Variants in IRAK1BP1 observed in about 807,000 individuals in gnomAD.
The protein encoded by IRAK1BP1 is interleukin-1 receptor-associated kinase 1-binding protein 1.
IRAK1BP1 carries 24 observed loss-of-function variants against 28.0 expected under a neutral mutation model. The ratio of observed to expected loss-of-function variants is 0.86; its 90% CI spans 0.62 to 1.20. IRAK1BP1 has a LOEUF of 1.20. Ranked by LOEUF, IRAK1BP1 falls within the 50% of genes most tolerant of loss-of-function variation. The pLI is 0.00. For synonymous variants in IRAK1BP1, 131 were observed against 116.3 expected, an observed-to-expected ratio of 1.13 and a Z score of -0.81; for missense variants, 336 against 316.7, an observed-to-expected ratio of 1.06 and a Z score of -0.46.
intron 4 of IRAK1BP1, among the ~76,000 whole-genome samples, chr6:78,912,535 C>T (rs987672964): frequency 2.6e-5 from 4 of 152,062 alleles, no homozygotes; most frequent in African/African-American, 9.7e-5. Flanking sequence ...TGTATACACA[C>T]ATACACACCA....
chr6:78,963,497 C>CT, the IRAK1BP1 span, among the ~76,000 whole-genome samples: 3 of 152,090 alleles, frequency 2.0e-5, no homozygotes, highest in Non-Finnish European at 4.4e-5. Context: ...AAAATCTGCT[C>CT]TGTAATCAAG....
chr6:78,934,613 A>G (rs1335155886), intron 4 of IRAK1BP1, among the ~76,000 whole-genome samples: 6 of 152,354 alleles, frequency 3.9e-5, no homozygotes, highest in Non-Finnish European at 5.9e-5. Context: ...TAAATGATGT[A>G]TTCTATTTAG....
intron 2 of IRAK1BP1, among the ~76,000 whole-genome samples, chr6:78,888,781 T>C (rs1489541641): frequency 6.6e-6 from 1 of 152,082 alleles, no homozygotes; most frequent in Non-Finnish European, 1.5e-5. Flanking sequence ...GTGCTAGGAC[T>C]ACAGACATGA....
chr6:78,947,275 G>A (rs1773873253), downstream of IRAK1BP1, among the ~76,000 whole-genome samples: 1 of 152,138 alleles, frequency 6.6e-6, no homozygotes, highest in African/African-American at 2.4e-5. Context: ...TGGTCAGAGT[G>A]TTAAATTATA....
intron 2 of IRAK1BP1, among the ~76,000 whole-genome samples, chr6:78,889,103 T>C (rs553678408): frequency 7.0e-4 from 83 of 117,858 alleles, no homozygotes; most frequent in African/African-American, 2.8e-3. Flanking sequence ...GGCAACAGAG[T>C]GAGACTCTGT....
At chr6:78,889,992 T>A (rs548701845) in intron 2 of IRAK1BP1, among the ~76,000 whole-genome samples, 44 of 152,234 alleles carry the variant, frequency 2.9e-4, no homozygotes, top group Admixed American at 1.1e-3. Context: ...GCAGCACTAT[T>A]TACAACAGCA....
chr6:78,890,456 G>A (rs1771607709), intron 2 of IRAK1BP1, among the ~76,000 whole-genome samples: 1 of 150,766 alleles, frequency 6.6e-6, no homozygotes, highest in African/African-American at 2.4e-5. Flanking sequence ...GAGTGAAAGA[G>A]AATAAAATAA....
chr6:78,892,648 T>G (rs1023748886), intron 2 of IRAK1BP1, among the ~76,000 whole-genome samples: 1 of 152,146 alleles, frequency 6.6e-6, no homozygotes, highest in Non-Finnish European at 1.5e-5. Context: ...GATGTTAGAA[T>G]TAAAAGACAT....
chr6:78,930,967 A>C (rs1773029682), intron 4 of IRAK1BP1, among the ~76,000 whole-genome samples: 1 of 29,780 alleles, frequency 3.4e-5, no homozygotes, highest in Non-Finnish European at 7.5e-5. Flanking sequence ...AATAAAATAA[A>C]AAAAAATTAA....
the IRAK1BP1 span, among the ~76,000 whole-genome samples, chr6:78,954,203 G>A: frequency 6.6e-6 from 1 of 151,906 alleles, no homozygotes; most frequent in Admixed American, 6.5e-5. Flanking sequence ...CCGGGTTCAC[G>A]CCATTCTCCT....
exon 5 of IRAK1BP1, chr6:78,946,020 A>T: frequency 6.2e-7 from 1 of 1,607,770 alleles, no homozygotes; most frequent in Non-Finnish European, 8.5e-7. Flanking sequence ...CTGGTATTGC[A>T]GATGCATTAG....
intron 1 of IRAK1BP1, among the ~76,000 whole-genome samples, chr6:78,882,742 TC>T (rs1307573849): frequency 6.6e-6 from 1 of 152,134 alleles, no homozygotes; most frequent in African/African-American, 2.4e-5. Flanking sequence ...ATGGATTTGA[TC>T]CTGTGGTAGT....
chr6:78,956,253 C>A, the IRAK1BP1 span: 1 of 152,078 alleles, frequency 6.6e-6, no homozygotes, highest in Non-Finnish European at 1.5e-5. Flanking sequence ...TAATGGGAAT[C>A]TTGGTTTTTC....
At chr6:78,903,899 G>T (rs561396566), downstream of IRAK1BP1, among the ~76,000 whole-genome samples, 12 of 152,196 alleles carry the variant, frequency 7.9e-5, no homozygotes, top group Non-Finnish European at 1.2e-4. Context: ...TTTTACGCTG[G>T]TCACATTAAT....
At chr6:78,953,882 G>A in the IRAK1BP1 span, among the ~76,000 whole-genome samples, 3 of 151,876 alleles carry the variant, frequency 2.0e-5, no homozygotes, top group East Asian at 1.9e-4. Flanking sequence ...CACCACGCCC[G>A]ACCCCTGAAC....
At chr6:78,873,281 A>G (rs940277867) in intron 1 of IRAK1BP1, among the ~76,000 whole-genome samples, 1 of 148,680 alleles carries the variant, frequency 6.7e-6, no homozygotes, top group Non-Finnish European at 1.5e-5. Context: ...AAAAAAAAAA[A>G]GATTGTAAAT....
intron 1 of IRAK1BP1, among the ~76,000 whole-genome samples, chr6:78,881,062 CTG>C (rs1273493301): frequency 6.6e-6 from 1 of 152,138 alleles, no homozygotes; most frequent in Non-Finnish European, 1.5e-5. Context: ...ATATAAGAAT[CTG>C]TACACAAATG....
chr6:78,975,910 G>T, the IRAK1BP1 span, among the ~76,000 whole-genome samples: 2 of 150,320 alleles, frequency 1.3e-5, no homozygotes, highest in Admixed American at 1.3e-4. Flanking sequence ...CCATGCTCAT[G>T]GGTAGGAAGA....
the IRAK1BP1 span, among the ~76,000 whole-genome samples, chr6:78,974,346 A>T: frequency 1.3e-4 from 20 of 151,950 alleles, no homozygotes; most frequent in Non-Finnish European, 2.4e-4. Context: ...AAGACACAAC[A>T]TACCAGAATC....
Sources: allele counts gnomAD v4.1 joint callset (sites outside exome capture counted in the v4.1 genomes callset), GRCh38; gene constraint gnomAD v4.1.1; transcripts MANE v1.5; gene names NCBI Gene and HGNC (gene_info 2026-07-23, HGNC 2026-07-21).